NHLRC2: variants seen among roughly 807,000 people sequenced by gnomAD.
NHLRC2 encodes the protein NHL repeat containing 2.
NHLRC2 carries 33 observed loss-of-function variants against 68.1 expected under a neutral mutation model. The observed-to-expected ratio is 0.48, with a 90% CI of 0.37 to 0.65. The LOEUF (loss-of-function observed/expected upper bound fraction) is 0.65. Ranked by LOEUF, NHLRC2 falls within the 30% of genes least tolerant of loss-of-function variation. The pLI, the probability that NHLRC2 is intolerant of heterozygous loss-of-function variation, is 0.00. For missense variants in NHLRC2, 761 were observed against 853.8 expected (o/e 0.89, Z 1.35); for synonymous variants, 311 against 309.6 (o/e 1.00, Z -0.05).
At chr10:113,863,896 A>T (rs930273626) in intron 2 of NHLRC2, among the ~76,000 whole-genome samples, 2 of 152,224 alleles carry the variant, frequency 1.3e-5, no homozygotes, top group African/African-American at 2.4e-5. Context: ...AACAAAACCT[A>T]CTAAGACTAA....
chr10:113,891,097 A>G (rs572304842), intron 5 of NHLRC2, among the ~76,000 whole-genome samples: 1 of 152,342 alleles, frequency 6.6e-6, no homozygotes, highest in African/African-American at 2.4e-5. Flanking sequence ...AATTCAGATT[A>G]CAATTCGAGA....
In NHLRC2 at chr10:113,858,429, G is replaced by T. The variant is rs374864469; in HGVS notation, c.179-99G>T. 593 of 737,150 alleles carry T rather than the reference G, an allele frequency of 8.0e-4. 1 individual carries two copies. Among genetic ancestry groups the T allele is most frequent in the African/African-American group, 7.6e-3 (429 of 56,192 alleles). 45.7% of individuals were successfully genotyped at this position (737,150 alleles called of 1,614,324 possible). ...TGCTACTCTCTCAAAGTGTTTATTT[G>T]CATTAGTCTTAAAAAAAAAGGTCAC... On this transcript the variant is annotated intron_variant, in intron 1 of 10. Transcript: ENST00000369301.
chr10:113,876,744 T>A lies in NHLRC2; in HGVS notation c.555T>A (p.Asp185Glu), dbSNP rs758355578. The stretch of plus-strand genomic sequence containing the variant: ...CTTTGATTGGAGAGGGACACAAAGA[T>A]AAATTATTTTTATATACTTCAATTG... The part of the protein sequence containing the change: ...LFSLIGEGHK[D>E]KLFLYTSIAL... Residue 185 changes from aspartate (D) to glutamate (E), a missense_variant, in exon 3 of 11, where the codon GAT (aspartate) becomes GAA (glutamate). By Grantham distance (45) the Asp-to-Glu change is conservative. Coordinates refer to ENST00000369301, the MANE Select transcript of NHLRC2 (RefSeq NM_198514.4). 2.5e-6 allele frequency: 4 copies of A among 1,612,446 alleles called. No homozygotes were observed. Among genetic ancestry groups the A allele is most frequent in the Non-Finnish European group, 3.4e-6 (4 of 1,178,604 alleles).
chr10:113,860,088 G>A (rs1845801438), intron 2 of NHLRC2, among the ~76,000 whole-genome samples: 1 of 152,208 alleles, frequency 6.6e-6, no homozygotes, highest in South Asian at 2.1e-4. Context: ...AGCACATTGT[G>A]AAATGCATTG....
At chr10:113,908,234 T>C in intron 10 of NHLRC2, 46 bp from the exon 11 acceptor site, 3 of 1,466,868 alleles carry the variant, frequency 2.0e-6, no homozygotes, top group Non-Finnish European at 2.8e-6. Flanking sequence ...TTCCCAGTTT[T>C]CTACTTATCT....
chr10:113,858,921 C>T, intron 2 of NHLRC2: 1 of 333,006 alleles, frequency 3.0e-6, no homozygotes, highest in Non-Finnish European at 5.4e-6. Context: ...CGGATAGGGG[C>T]ATAATTTGCT....
In NHLRC2 at chr10:113,854,967, A is replaced by G; in HGVS notation, c.95A>G (p.Gln32Arg). Residue 32 changes from glutamine to arginine, a missense_variant, in exon 1 of 11, where the codon CAG becomes CGG. Coordinates refer to ENST00000369301, the MANE Select transcript of NHLRC2 (RefSeq NM_198514.4). ...EYALLDAVTQ[Q>R]EKDSLVYQYL... Reference sequence around the variant, plus strand: ...GCCCTGCTCGACGCCGTTACCCAGCAGGAGAAGGACAGCCTGGTCTACCAG... The same window carrying G: ...GCCCTGCTCGACGCCGTTACCCAGCGGGAGAAGGACAGCCTGGTCTACCAG... 8 of 1,553,934 alleles carry G rather than the reference A, an allele frequency of 5.1e-6. No homozygotes were observed. The highest frequency in any genetic ancestry group is 7.0e-6 in the Non-Finnish European group (8 of 1,148,140).
chr10:113,916,793 A>T lies in NHLRC2; in HGVS notation c.*8257A>T, dbSNP rs1165392270. 2 of 152,132 alleles carry T rather than the reference A, an allele frequency of 1.3e-5. No homozygotes were observed. Among genetic ancestry groups the T allele is most frequent in the Admixed American group, 1.3e-4 (2 of 15,262 alleles). The allele number at this position is 152,132 out of a possible 1,614,324, so 9.4% of individuals were successfully genotyped here. ...GCTAACTTCATGTTTCTTATTCCAA[A>T]GGCTTGATTATATTTTTTTCTCCAG... is the stretch of plus-strand genomic sequence containing the variant. On this transcript the variant is annotated 3_prime_UTR_variant, in exon 11 of 11. Transcript: ENST00000369301.
Position 113,914,038 on chromosome 10 carries a change from A to G in NHLRC2, c.*5502A>G, listed in dbSNP as rs1846354476. 6.6e-6 allele frequency: 1 copy of G among 152,046 alleles called. No homozygotes were observed. The highest frequency in any genetic ancestry group is 2.4e-5 in the African/African-American group (1 of 41,374). The allele number at this position is 152,046 out of a possible 1,614,324, so 9.4% of individuals were successfully genotyped here. A position where few individuals can be genotyped will look rare whatever the true frequency, so the allele number is the denominator to read the frequency against. On this transcript the variant is annotated 3_prime_UTR_variant, in exon 11 of 11. Coordinates refer to ENST00000369301, the MANE Select transcript of NHLRC2 (RefSeq NM_198514.4). ...CCCGGCTAATTTTTGTACTTTTAGTAGAAACAGGGTTTCTGTTGGCCAGGT... is the reference window on the plus strand; with the variant it reads ...CCCGGCTAATTTTTGTACTTTTAGTGGAAACAGGGTTTCTGTTGGCCAGGT...
chr10:113,863,869 G>A (rs1026242212), intron 2 of NHLRC2, among the ~76,000 whole-genome samples: 2 of 152,170 alleles, frequency 1.3e-5, no homozygotes, highest in Non-Finnish European at 1.5e-5. Context: ...CCTAGATGAA[G>A]TAGACAAATT....
intron 5 of NHLRC2, among the ~76,000 whole-genome samples, chr10:113,897,238 A>G (rs941602352): frequency 6.6e-6 from 1 of 152,164 alleles, no homozygotes; most frequent in Non-Finnish European, 1.5e-5. Context: ...TCTTAGATTT[A>G]TGGTAGATTT....
At chr10:113,890,311 C>G (rs1372842355) in intron 5 of NHLRC2, among the ~76,000 whole-genome samples, 3 of 152,056 alleles carry the variant, frequency 2.0e-5, no homozygotes, top group South Asian at 2.1e-4. Flanking sequence ...TTTTCTTTTA[C>G]TATTTTAAAG....
chr10:113,871,444 A>G (rs1845924444), intron 2 of NHLRC2, among the ~76,000 whole-genome samples: 1 of 152,178 alleles, frequency 6.6e-6, no homozygotes, highest in South Asian at 2.1e-4. Context: ...TCACTTGTCT[A>G]ATTATGTTGG....
chr10:113,855,252 C>G (rs1045174451), intron 1 of NHLRC2, among the ~76,000 whole-genome samples: 14 of 152,348 alleles, frequency 9.2e-5, no homozygotes, highest in Non-Finnish European at 2.9e-5. Flanking sequence ...GTTTCCCTGG[C>G]ACGGGGATCC....
At position 113,911,937 on chromosome 10, in the gene NHLRC2, A is replaced by G. The variant is rs1006453073; in HGVS notation, c.*3401A>G. The G allele has an allele frequency of 2.0e-5, 3 of 152,120 alleles. No homozygotes were observed. The highest frequency in any genetic ancestry group is 4.8e-5 in the African/African-American group (2 of 41,436). The allele number at this position is 152,120 out of a possible 1,614,324, so 9.4% of individuals were successfully genotyped here. A position where few individuals can be genotyped will look rare whatever the true frequency, so the allele number is the denominator to read the frequency against. ...TTAAAATCACGGTGGGGGGAAACCC[A>G]TAAAGTTTAAAGAGTTAAAGTTAAC... On this transcript the variant is annotated 3_prime_UTR_variant, in exon 11 of 11. Transcript: ENST00000369301.
chr10:113,904,300 A>T (rs746880717), intron 9 of NHLRC2, among the ~76,000 whole-genome samples: 2 of 152,068 alleles, frequency 1.3e-5, no homozygotes, highest in East Asian at 1.9e-4. Flanking sequence ...TTCAAGGGGA[A>T]ATGTCTATTA....
intron 6 of NHLRC2, among the ~76,000 whole-genome samples, 177 bp downstream of exon 6, chr10:113,898,386 G>T (rs1846195429): frequency 6.6e-6 from 1 of 152,190 alleles, no homozygotes. Context: ...CACTCACATG[G>T]GTTCACTGGG....
chr10:113,905,726 CACTT>C (rs1482967298), intron 10 of NHLRC2, among the ~76,000 whole-genome samples: 2 of 152,176 alleles, frequency 1.3e-5, no homozygotes, highest in African/African-American at 2.4e-5. Flanking sequence ...CCCTCTCACA[CACTT>C]TTCTTTTGTA....
At chr10:113,865,597 CTTT>C (rs59697946) in intron 2 of NHLRC2, among the ~76,000 whole-genome samples, 1 of 108,422 alleles carries the variant, frequency 9.2e-6, no homozygotes, top group African/African-American at 3.4e-5. Flanking sequence ...ATAACTTCGA[CTTT>C]TTTTTTTTTT....
Sources: allele counts gnomAD v4.1 joint callset (sites outside exome capture counted in the v4.1 genomes callset), GRCh38; gene constraint gnomAD v4.1.1; transcripts MANE v1.5; gene names NCBI Gene and HGNC (gene_info 2026-07-23, HGNC 2026-07-21).